The following ANKMY1 variants were observed in gnomAD, a reference collection of about 807,000 sequenced individuals.
ANKMY1 encodes ankyrin repeat and MYND domain-containing protein 1.
A neutral mutation model predicts 102.0 loss-of-function variants in ANKMY1; 98 were observed. That is an observed-to-expected ratio of 0.96 (90% CI 0.82 to 1.14). ANKMY1 has a LOEUF of 1.14. Among genes scored for constraint, ANKMY1 ranks in the 50% most tolerant of loss-of-function variants. The probability of loss-of-function intolerance (pLI) is 0.00; values close to 1 mark genes in which losing one functional copy is unlikely to be tolerated. For synonymous variants in ANKMY1, 582 were observed against 559.9 expected, an observed-to-expected ratio of 1.04 and a Z score of -0.56; for missense variants, 1,330 against 1,347.6, an observed-to-expected ratio of 0.99 and a Z score of 0.20.
intron 4 of ANKMY1, among the ~76,000 whole-genome samples, chr2:240,536,840 T>A (rs1283709507): frequency 6.6e-6 from 1 of 152,204 alleles, no homozygotes; most frequent in Non-Finnish European, 1.5e-5. Flanking sequence ...GTATAATTTA[T>A]TGTAATTTTT....
intron 15 of ANKMY1, among the ~76,000 whole-genome samples, chr2:240,483,807 G>A (rs982628055): frequency 2.6e-5 from 4 of 152,116 alleles, no homozygotes; most frequent in Non-Finnish European, 5.9e-5. Flanking sequence ...TCTACATTAG[G>A]TATTTCTTCT....
chr2:240,495,799 C>G (rs745475761), intron 15 of ANKMY1, among the ~76,000 whole-genome samples: 1 of 152,176 alleles, frequency 6.6e-6, no homozygotes, highest in Non-Finnish European at 1.5e-5. Context: ...AACTCACAGA[C>G]CCTGTAGGGC....
chr2:240,471,547 A>G, the ANKMY1 span, among the ~76,000 whole-genome samples: 1 of 152,270 alleles, frequency 6.6e-6, no homozygotes, highest in Non-Finnish European at 1.5e-5. Flanking sequence ...GGGGAGAAAT[A>G]GAAACCATAA....
At position 240,520,086 on chromosome 2, in the gene ANKMY1, G is replaced by T; in HGVS notation, c.2004+276C>A. ...CCTTTCCAAGGGGCCTTCAGGATGCGCTTCCCCTTAGTTTGCTTCAACACT... is the reference window on the plus strand; with the variant it reads ...CCTTTCCAAGGGGCCTTCAGGATGCTCTTCCCCTTAGTTTGCTTCAACACT... On this transcript the variant is annotated intron_variant, in intron 9 of 17. Transcript: ENST00000401804. The surrounding 1 kb of genome is among the most constrained non-coding windows in gnomAD (Gnocchi z 4.8). The T allele has an allele frequency of 1.6e-6, 1 of 642,044 alleles. No individual in the cohort carries two copies. The highest frequency in any genetic ancestry group is 3.0e-6 in the Non-Finnish European group (1 of 337,938). 39.8% of individuals were successfully genotyped at this position (642,044 alleles called of 1,614,324 possible).
intron 1 of ANKMY1, 84 bp from the exon 2 acceptor site, chr2:240,557,436 CCT>C: frequency 7.2e-7 from 1 of 1,393,840 alleles, no homozygotes; most frequent in Non-Finnish European, 9.4e-7. Context: ...GCCCGCGGCC[CCT>C]GAGCCTCAGA....
rs1312564650 is a variant in ANKMY1 at position 240,506,143 on chromosome 2, G to A, written c.2526+1417C>T. 2.0e-5 allele frequency among the ~76,000 whole-genome samples: 3 copies of A among 152,074 alleles called. No individual in the cohort carries two copies. Among genetic ancestry groups the A allele is most frequent in the Non-Finnish European group, 2.9e-5 (2 of 68,010 alleles). On this transcript the variant is annotated intron_variant, in intron 13 of 17. Transcript: ENST00000401804. The surrounding 1 kb of genome is among the most constrained non-coding windows in gnomAD (Gnocchi z 4.9). ...AGTCGCTGGGAAGCCCCCTAACCCC[G>A]GATGAGGCGCTGGGAGCCCCCAACC...
intron 13 of ANKMY1, among the ~76,000 whole-genome samples, chr2:240,504,549 A>C (rs2078738775): frequency 1.3e-5 from 2 of 152,222 alleles, no homozygotes; most frequent in African/African-American, 2.4e-5. Context: ...AACATCTAGA[A>C]TAGATAGAAA....
chr2:240,543,313 A>G (rs1418264687), intron 4 of ANKMY1, among the ~76,000 whole-genome samples: 3 of 151,904 alleles, frequency 2.0e-5, no homozygotes, highest in Non-Finnish European at 4.4e-5. Flanking sequence ...AGACCGTACC[A>G]CTGCACTCCA....
intron 13 of ANKMY1, among the ~76,000 whole-genome samples, chr2:240,503,531 G>A (rs889141503): frequency 1.3e-5 from 2 of 152,310 alleles, no homozygotes; most frequent in African/African-American, 2.4e-5. Flanking sequence ...GTCAAGGTTC[G>A]AGCTTCACGC....
intron 13 of ANKMY1, among the ~76,000 whole-genome samples, chr2:240,505,584 G>A (rs1456762426): frequency 6.6e-6 from 1 of 152,182 alleles, no homozygotes; most frequent in South Asian, 2.1e-4. Flanking sequence ...TTGGCTGAGG[G>A]GGAGGGCAGG....
At chr2:240,555,877 G>C (rs543083282) in intron 2 of ANKMY1, among the ~76,000 whole-genome samples, 17 of 152,148 alleles carry the variant, frequency 1.1e-4, no homozygotes, top group African/African-American at 4.1e-4. Flanking sequence ...GATGGACAGG[G>C]CATCTCAGTT....
chr2:240,532,954 T>C (rs2085797385), intron 4 of ANKMY1, among the ~76,000 whole-genome samples: 1 of 152,244 alleles, frequency 6.6e-6, no homozygotes, highest in South Asian at 2.1e-4. Context: ...GCGATCCTCC[T>C]GCCTTGGCCT....
chr2:240,524,391 G>T lies in ANKMY1; in HGVS notation c.1336-10C>A. 6.3e-7 allele frequency: 1 copy of T among 1,576,572 alleles called. No homozygotes were observed. The highest frequency in any genetic ancestry group is 8.6e-7 in the Non-Finnish European group (1 of 1,162,346). On this transcript the variant is annotated splice_polypyrimidine_tract_variant and intron_variant, in intron 7 of 17. Coordinates refer to ENST00000401804, the MANE Select transcript of ANKMY1 (RefSeq NM_001282771.3). ...GGAATTTTGGAGGTTCCTTTGGAAA[G>T]AACCAAAAAAGTGTCATTAGAATAA...
chr2:240,549,637 G>T (rs1428457901), intron 4 of ANKMY1, among the ~76,000 whole-genome samples: 2 of 152,072 alleles, frequency 1.3e-5, no homozygotes, highest in Non-Finnish European at 2.9e-5. Context: ...CTAATATCCA[G>T]AATCTACAAT....
Position 240,499,852 on chromosome 2 carries a change from C to G in ANKMY1, c.2806+106G>C. 7.2e-7 allele frequency: 1 copy of G among 1,387,822 alleles called. No homozygotes were observed. Among genetic ancestry groups the G allele is most frequent in the South Asian group, 1.5e-5 (1 of 65,234 alleles). The allele number at this position is 1,387,822 out of a possible 1,614,324, so 86.0% of individuals were successfully genotyped here. ...GCCGACGAGCCCAGCCCCAGGAAGGCCCCTCCAAGAGCCCCAGGGGGTCCA... is the reference window on the plus strand; with the variant it reads ...GCCGACGAGCCCAGCCCCAGGAAGGGCCCTCCAAGAGCCCCAGGGGGTCCA... On this transcript the variant is annotated intron_variant, in intron 15 of 17. Coordinates refer to ENST00000401804, the MANE Select transcript of ANKMY1 (RefSeq NM_001282771.3). This position sits in a 1 kb window ranked among gnomAD's most constrained non-coding sequence, Gnocchi z 4.2.
chr2:240,546,334 C>T (rs1342867660), intron 4 of ANKMY1, among the ~76,000 whole-genome samples: 1 of 152,074 alleles, frequency 6.6e-6, no homozygotes, highest in Non-Finnish European at 1.5e-5. Context: ...ACCACCAGGC[C>T]TGCCCTAAAA....
chr2:240,516,043 A>AG (rs1249063074), intron 9 of ANKMY1, among the ~76,000 whole-genome samples: 2 of 151,874 alleles, frequency 1.3e-5, no homozygotes, highest in African/African-American at 4.8e-5. Context: ...AGTAAACTGC[A>AG]GGGAAAAAAA....
Position 240,500,475 on chromosome 2 carries a change from A to C in ANKMY1, c.2617T>G (p.Tyr873Asp), listed in dbSNP as rs745738810. 3 of 1,613,896 alleles carry C rather than the reference A, an allele frequency of 1.9e-6. No homozygotes were observed. The highest frequency in any genetic ancestry group is 1.7e-5 in the Admixed American group (1 of 59,972). Residue 873 changes from tyrosine (Y) to aspartate (D), a missense_variant, in exon 14 of 18, where the codon TAT (tyrosine) becomes GAT (aspartate). Physicochemically the swap from Tyr to Asp is radical, Grantham distance 160 (BLOSUM62 -3). Transcript: ENST00000401804. ...EKEAVGTAVD[Y>D]GYFRFFQDRR... ...ACCTGGAAGAATCTGAAGTAGCCAT[A>C]GTCCACGGCTGTGCCCACTGCCTCC...
In ANKMY1 at chr2:240,506,152, G is replaced by A. The variant is rs1363959660; in HGVS notation, c.2526+1408C>T. Among the ~76,000 whole-genome samples, 3 of 151,900 alleles carry A rather than the reference G, an allele frequency of 2.0e-5. No homozygotes were observed. Among genetic ancestry groups the A allele is most frequent in the East Asian group, 3.9e-4 (2 of 5,178 alleles). On this transcript the variant is annotated intron_variant, in intron 13 of 17. Transcript: ENST00000401804. This position sits in a 1 kb window ranked among gnomAD's most constrained non-coding sequence, Gnocchi z 4.9. The stretch of plus-strand genomic sequence containing the variant: ...GAAGCCCCCTAACCCCGGATGAGGC[G>A]CTGGGAGCCCCCAACCCCGGACGAA...
Sources: gnomAD v4.1 joint callset for allele counts (sites outside exome capture counted in the v4.1 genomes callset) on GRCh38, gnomAD v4.1.1 for gene constraint, Gnocchi (gnomAD v3.1) non-coding constraint, MANE v1.5 for transcripts, NCBI Gene and HGNC (gene_info 2026-07-23, HGNC 2026-07-21) for gene names.